Variants in CTNNA2 observed in about 807,000 individuals in gnomAD.
CTNNA2 encodes catenin alpha-2.
CTNNA2 carries 42 observed loss-of-function variants against 101.0 expected under a neutral mutation model. The ratio of observed to expected loss-of-function variants is 0.42; its 90% CI spans 0.32 to 0.54. The LOEUF is 0.54. Ranked by LOEUF, CTNNA2 falls within the 20% of genes least tolerant of loss-of-function variation. CTNNA2 has a pLI of 0.14. For missense variants in CTNNA2, 871 were observed against 1,223.1 expected (o/e 0.71, Z 4.29); for synonymous variants, 450 against 456.4 (o/e 0.99, Z 0.18).
At chr2:79,381,885 G>A (rs1474072748) in intron 4 of CTNNA2, among the ~76,000 whole-genome samples, 2 of 152,210 alleles carry the variant, frequency 1.3e-5, no homozygotes, top group East Asian at 3.8e-4. Context: ...GTTTAGCAAT[G>A]CAAGCATGTT....
At chr2:80,298,038 T>C (rs1203866394) in intron 7 of CTNNA2, 2 of 147,826 alleles carry the variant, frequency 1.4e-5, no homozygotes, top group African/African-American at 5.0e-5. Flanking sequence ...TATTATATAT[T>C]ATATATATAT....
At chr2:80,591,245 A>G (rs216634) in intron 15 of CTNNA2, among the ~76,000 whole-genome samples, 34,612 of 151,912 alleles carry the variant, frequency 0.23, 5,656 homozygotes, top group African/African-American at 0.47. Flanking sequence ...TTTCATAGGG[A>G]TTTCATATCA....
intron 9 of CTNNA2, among the ~76,000 whole-genome samples, chr2:80,492,815 A>G (rs552708097): frequency 4.6e-5 from 7 of 152,236 alleles, no homozygotes; most frequent in Admixed American, 4.6e-4. Context: ...TCAGAGTGGA[A>G]GTTGGTTTTC....
intron 3 of CTNNA2, among the ~76,000 whole-genome samples, chr2:79,749,775 G>C (rs1671886838): frequency 6.6e-6 from 1 of 152,084 alleles, no homozygotes; most frequent in South Asian, 2.1e-4. Context: ...TACAATTATT[G>C]TGTCTACCTA....
chr2:79,453,009 C>T (rs2104528501), intron 4 of CTNNA2, among the ~76,000 whole-genome samples: 1 of 152,164 alleles, frequency 6.6e-6, no homozygotes, highest in East Asian at 1.9e-4. Flanking sequence ...AAAAAGTTAT[C>T]TTCCTGAAAC....
At chr2:79,465,912 A>G (rs1202013865) in intron 4 of CTNNA2, among the ~76,000 whole-genome samples, 1 of 152,226 alleles carries the variant, frequency 6.6e-6, no homozygotes, top group African/African-American at 2.4e-5. Flanking sequence ...TAAATATACA[A>G]TCATGGCCAA....
At chr2:79,268,841 A>T (rs1257523697) in intron 2 of CTNNA2, among the ~76,000 whole-genome samples, 1 of 152,120 alleles carries the variant, frequency 6.6e-6, no homozygotes, top group Non-Finnish European at 1.5e-5. Context: ...ACAGCAGTAG[A>T]TATGCAGCTA....
At chr2:79,511,280 C>T (rs1671532656), upstream of CTNNA2, among the ~76,000 whole-genome samples, 1 of 152,186 alleles carries the variant, frequency 6.6e-6, no homozygotes, top group Admixed American at 6.5e-5. Context: ...CTTACCACAT[C>T]AGGGACTTGT....
intron 7 of CTNNA2, among the ~76,000 whole-genome samples, chr2:80,224,952 G>A (rs1708789082): frequency 6.6e-6 from 1 of 152,080 alleles, no homozygotes; most frequent in South Asian, 2.1e-4. Flanking sequence ...CCAGTTCTGT[G>A]CAGGATAAAT....
chr2:79,979,036 T>C (rs904337470), intron 7 of CTNNA2, among the ~76,000 whole-genome samples: 4 of 152,018 alleles, frequency 2.6e-5, no homozygotes, highest in African/African-American at 9.7e-5. Flanking sequence ...TGCTCACCTG[T>C]TGATTATTCA....
chr2:80,504,800 C>T (rs987354593), intron 9 of CTNNA2, among the ~76,000 whole-genome samples: 2 of 152,204 alleles, frequency 1.3e-5, no homozygotes, highest in Non-Finnish European at 2.9e-5. Context: ...ATAATGAATA[C>T]CAGCTTTTTA....
chr2:79,340,304 G>A (rs1008995400), intron 3 of CTNNA2: 4 of 152,102 alleles, frequency 2.6e-5, no homozygotes, highest in African/African-American at 4.8e-5. Context: ...GACTTTAAAG[G>A]TCATGTGGTC....
intron 4 of CTNNA2, among the ~76,000 whole-genome samples, chr2:79,464,977 C>T (rs1670918073): frequency 6.6e-6 from 1 of 152,232 alleles, no homozygotes; most frequent in Non-Finnish European, 1.5e-5. Flanking sequence ...TGCAGAAGCT[C>T]TTTAGTTTAA....
intron 3 of CTNNA2, among the ~76,000 whole-genome samples, chr2:79,816,239 T>C (rs1449211741): frequency 6.6e-6 from 1 of 152,112 alleles, no homozygotes; most frequent in Non-Finnish European, 1.5e-5. Context: ...ATTTGGATGC[T>C]CTTTATTTCT....
intron 3 of CTNNA2, among the ~76,000 whole-genome samples, chr2:79,354,257 C>A (rs1677456290): frequency 6.6e-6 from 1 of 152,078 alleles, no homozygotes; most frequent in East Asian, 1.9e-4. Context: ...TAAACTATGT[C>A]CTCAAATATG....
chr2:80,401,713 G>A (rs1251323589), intron 8 of CTNNA2, among the ~76,000 whole-genome samples: 1 of 151,530 alleles, frequency 6.6e-6, no homozygotes, highest in Non-Finnish European at 1.5e-5. Flanking sequence ...AATCTCCTTG[G>A]CCTCTATTAG....
intron 7 of CTNNA2, among the ~76,000 whole-genome samples, chr2:80,320,035 C>T (rs377146960): frequency 9.9e-5 from 15 of 152,186 alleles, no homozygotes; most frequent in Middle Eastern, 6.8e-3. Context: ...TGACATTTGG[C>T]GATTGCCTTC....
At chr2:79,756,869 A>G (rs1053407696) in intron 3 of CTNNA2, among the ~76,000 whole-genome samples, 4 of 152,210 alleles carry the variant, frequency 2.6e-5, no homozygotes, top group African/African-American at 9.6e-5. Context: ...CAACAATGAG[A>G]TTTTAATATC....
intron 7 of CTNNA2, among the ~76,000 whole-genome samples, chr2:80,262,613 C>G (rs1055013828): frequency 4.0e-5 from 5 of 123,532 alleles, no homozygotes; most frequent in Non-Finnish European, 7.2e-5. Context: ...CCTCTCTCCC[C>G]TTTTCTCCTT....
Sources: gnomAD v4.1 joint callset for allele counts (sites outside exome capture counted in the v4.1 genomes callset) on GRCh38, gnomAD v4.1.1 for gene constraint, MANE v1.5 for transcripts, NCBI Gene and HGNC (gene_info 2026-07-23, HGNC 2026-07-21) for gene names.